The following RIMS1 variants were observed in gnomAD, a reference collection of about 807,000 sequenced individuals.
RIMS1 encodes the protein regulating synaptic membrane exocytosis protein 1.
RIMS1 carries 83 observed loss-of-function variants against 214.1 expected under a neutral mutation model. The observed-to-expected ratio is 0.39, with a 90% CI of 0.32 to 0.47. The LOEUF (loss-of-function observed/expected upper bound fraction) is 0.47, where lower values mean the gene tolerates loss of function less well. RIMS1 is among the 20% of genes least tolerant of loss of function. The pLI is 0.99. For missense variants in RIMS1, 2,050 were observed against 2,161.8 expected (o/e 0.95, Z 1.03); for synonymous variants, 793 against 786.8 (o/e 1.01, Z -0.13).
intron 31 of RIMS1, among the ~76,000 whole-genome samples, chr6:72,396,141 G>A (rs2789600): frequency 0.026 from 4,010 of 151,428 alleles, 148 homozygotes; most frequent in African/African-American, 0.09. Context: ...TCACATTGCT[G>A]TAATAAAAAA....
In RIMS1 at chr6:72,179,718, A is replaced by C. The variant is rs1270779696; in HGVS notation, c.615A>C (p.Pro205=). 7 of 1,613,808 alleles carry C rather than the reference A, an allele frequency of 4.3e-6. No individual in the cohort carries two copies. Among genetic ancestry groups the C allele is most frequent in the Middle Eastern group, 1.6e-4 (1 of 6,084 alleles). The change falls in exon 5 of 34, where the codon CCA becomes CCC. Residue 205 remains proline (P), a synonymous_variant. Transcript: ENST00000521978. The part of the protein sequence containing the change: ...DTATGAGSEV[P]REKKARLQER... ...CTACAGGTGCTGGCTCTGAGGTACCAAGAGAAAAGAAAGCACGACTCCAAG... is the reference window on the plus strand; with the variant it reads ...CTACAGGTGCTGGCTCTGAGGTACCCAGAGAAAAGAAAGCACGACTCCAAG...
intron 26 of RIMS1, 64 bp downstream of exon 26, chr6:72,292,110 C>A (rs1461518702): frequency 1.0e-6 from 1 of 960,128 alleles, no homozygotes. Context: ...CTATTTATAC[C>A]CCTTTTATTA....
chr6:72,250,602 C>T, intron 13 of RIMS1, 142 bp downstream of exon 13: 6 of 619,192 alleles, frequency 9.7e-6, no homozygotes, highest in Non-Finnish European at 1.6e-5. Flanking sequence ...AAAAGAAGTC[C>T]CTCAAGTGTT....
intron 4 of RIMS1, among the ~76,000 whole-genome samples, chr6:72,122,068 A>C (rs1385579358): frequency 1.3e-5 from 2 of 151,840 alleles, no homozygotes; most frequent in Non-Finnish European, 2.9e-5. Context: ...TATTTTATTG[A>C]GGAATTTTCT....
At chr6:71,976,497 T>A (rs1392814594) in intron 2 of RIMS1, among the ~76,000 whole-genome samples, 1 of 152,166 alleles carries the variant, frequency 6.6e-6, no homozygotes, top group East Asian at 1.9e-4. Context: ...GGATAGAAGA[T>A]CTTTGTCACA....
At chr6:72,368,546 G>A (rs996359376) in intron 29 of RIMS1, among the ~76,000 whole-genome samples, 3 of 151,184 alleles carry the variant, frequency 2.0e-5, no homozygotes, top group Admixed American at 6.6e-5. Flanking sequence ...CACCCGCCTC[G>A]GCCTCCACTT....
At chr6:72,002,343 A>G (rs1271387899) in intron 2 of RIMS1, among the ~76,000 whole-genome samples, 1 of 152,186 alleles carries the variant, frequency 6.6e-6, no homozygotes, top group Non-Finnish European at 1.5e-5. Context: ...AATGTATAGA[A>G]TATGAAAGGT....
chr6:72,268,229 C>T (rs1385657797), intron 22 of RIMS1, among the ~76,000 whole-genome samples: 1 of 152,070 alleles, frequency 6.6e-6, no homozygotes, highest in Non-Finnish European at 1.5e-5. Flanking sequence ...ACTTTGTTAT[C>T]TTTGGAGAGT....
At chr6:72,398,515 T>C (rs2098804221) in intron 32 of RIMS1, among the ~76,000 whole-genome samples, 165 bp downstream of exon 32, 1 of 152,252 alleles carries the variant, frequency 6.6e-6, no homozygotes, top group Non-Finnish European at 1.5e-5. Context: ...ATTTGGGTTT[T>C]CCTTGCACAG....
At chr6:71,888,811 T>C (rs1481401954) in intron 1 of RIMS1, among the ~76,000 whole-genome samples, 2 of 152,242 alleles carry the variant, frequency 1.3e-5, no homozygotes, top group African/African-American at 2.4e-5. Flanking sequence ...CCCTGCTCCT[T>C]CTCATCCAAA....
chr6:72,048,269 A>C (rs529824203), intron 2 of RIMS1, among the ~76,000 whole-genome samples: 1 of 152,304 alleles, frequency 6.6e-6, no homozygotes, highest in Admixed American at 6.5e-5. Context: ...AGGATTTCCC[A>C]CTAAAACATT....
intron 9 of RIMS1, among the ~76,000 whole-genome samples, chr6:72,240,470 T>A (rs1447240909): frequency 2.0e-5 from 3 of 151,664 alleles, no homozygotes; most frequent in Admixed American, 1.3e-4. Context: ...TATATATATA[T>A]GTATGTACTC....
chr6:71,901,845 A>G (rs919428803), intron 1 of RIMS1, among the ~76,000 whole-genome samples: 2 of 152,144 alleles, frequency 1.3e-5, no homozygotes, highest in Non-Finnish European at 2.9e-5. Flanking sequence ...CGAAAGAGCT[A>G]TTGTATTCGG....
intron 1 of RIMS1, among the ~76,000 whole-genome samples, chr6:71,908,460 C>T (rs1209504169): frequency 6.6e-6 from 1 of 152,154 alleles, no homozygotes; most frequent in African/African-American, 2.4e-5. Flanking sequence ...AGGAGTGGTA[C>T]AGATAGGAGG....
intron 21 of RIMS1, 118 bp from the exon 22 acceptor site, chr6:72,265,842 G>T: frequency 1.5e-6 from 1 of 687,010 alleles, no homozygotes. Context: ...GAATCCCAGT[G>T]ATTCTACATT....
chr6:71,889,162 A>T (rs1162541898), intron 1 of RIMS1, among the ~76,000 whole-genome samples: 3 of 152,118 alleles, frequency 2.0e-5, no homozygotes, highest in African/African-American at 7.2e-5. Context: ...CAGAGTCCGG[A>T]TAGGAAGGGG....
intron 4 of RIMS1, among the ~76,000 whole-genome samples, chr6:72,114,505 A>G (rs886511994): frequency 6.6e-6 from 1 of 152,036 alleles, no homozygotes; most frequent in African/African-American, 2.4e-5. Flanking sequence ...TAAAAATTTT[A>G]TGCTGCTTAT....
intron 29 of RIMS1, among the ~76,000 whole-genome samples, chr6:72,350,629 T>C (rs2097414814): frequency 6.6e-6 from 1 of 152,158 alleles, no homozygotes; most frequent in African/African-American, 2.4e-5. Context: ...ACCCATTGCA[T>C]ACCCTTTGGC....
intron 29 of RIMS1, among the ~76,000 whole-genome samples, chr6:72,371,917 T>G (rs1032966846): frequency 6.6e-6 from 1 of 152,206 alleles, no homozygotes; most frequent in Non-Finnish European, 1.5e-5. Flanking sequence ...CTGAAAATAT[T>G]TATCAAATAG....
Sources: allele counts gnomAD v4.1 joint callset (sites outside exome capture counted in the v4.1 genomes callset), GRCh38; gene constraint gnomAD v4.1.1; transcripts MANE v1.5; gene names NCBI Gene and HGNC (gene_info 2026-07-23, HGNC 2026-07-21).